RILPL1: variants seen among roughly 807,000 people sequenced by gnomAD.
The protein encoded by RILPL1 is RILP-like protein 1.
Under a neutral mutation model 50.3 loss-of-function variants are expected in RILPL1, and 33 were observed. That is an observed-to-expected ratio of 0.66 (90% CI 0.50 to 0.88). The LOEUF is 0.88. Ranked by LOEUF, RILPL1 falls within the 40% of genes least tolerant of loss-of-function variation. The pLI, the probability that RILPL1 is intolerant of heterozygous loss-of-function variation, is 0.00. For missense variants in RILPL1, 418 were observed against 542.5 expected, an observed-to-expected ratio of 0.77 and a Z score of 2.28; for synonymous variants, 205 against 228.6, an observed-to-expected ratio of 0.90 and a Z score of 0.93.
intron 2 of RILPL1, among the ~76,000 whole-genome samples, chr12:123,511,920 CTG>C (rs1253942263): frequency 3.2e-5 from 2 of 63,026 alleles, no homozygotes; most frequent in Non-Finnish European, 6.1e-5. Context: ...AGGTCTGTGT[CTG>C]TGTGTGGTGT....
In RILPL1 at chr12:123,470,524, C is replaced by A. The variant is rs1353226545; in HGVS notation, c.*2014G>T. 2 of 152,020 alleles carry A rather than the reference C, an allele frequency of 1.3e-5. No individual in the cohort carries two copies. The highest frequency in any genetic ancestry group is 4.9e-5 in the African/African-American group (2 of 41,172). The allele number at this position is 152,020 out of a possible 1,614,324, so 9.4% of individuals were successfully genotyped here. A position where few individuals can be genotyped will look rare whatever the true frequency, so the allele number is the denominator to read the frequency against. On this transcript the variant is annotated 3_prime_UTR_variant, in exon 7 of 7. Coordinates refer to ENST00000376874, the MANE Select transcript of RILPL1 (RefSeq NM_178314.5). ...GCCACAGTGGCTCACACCTGTAATCCCAGCACTTTGAGAGGCCAAGGCAGG... is the reference window on the plus strand; with the variant it reads ...GCCACAGTGGCTCACACCTGTAATCACAGCACTTTGAGAGGCCAAGGCAGG...
chr12:123,475,798 C>T, intron 6 of RILPL1: 1 of 1,262,838 alleles, frequency 7.9e-7, no homozygotes, highest in Non-Finnish European at 1.1e-6. Context: ...AAACGGGAGG[C>T]ATGAAAAAGA....
chr12:123,475,596 G>T, intron 6 of RILPL1: 3 of 1,032,714 alleles, frequency 2.9e-6, no homozygotes, highest in Non-Finnish European at 4.4e-6. Flanking sequence ...GTCAGCCCCA[G>T]CAGTAGCCGA....
chr12:123,515,905 A>G (rs1884662776), intron 2 of RILPL1, among the ~76,000 whole-genome samples: 1 of 151,786 alleles, frequency 6.6e-6, no homozygotes, highest in African/African-American at 2.4e-5. Flanking sequence ...GTGGTGGCAC[A>G]GGCCTGTAAT....
chr12:123,509,334 C>T (rs1883946041), intron 2 of RILPL1, among the ~76,000 whole-genome samples: 1 of 152,186 alleles, frequency 6.6e-6, no homozygotes, highest in Non-Finnish European at 1.5e-5. Flanking sequence ...GAGGCTGAGG[C>T]AGGTGGATCA....
At chr12:123,481,700 G>T (rs1458929707) in intron 6 of RILPL1, among the ~76,000 whole-genome samples, 1 of 151,714 alleles carries the variant, frequency 6.6e-6, no homozygotes, top group Non-Finnish European at 1.5e-5. Context: ...GGGATTACAG[G>T]TGTGTGCCAC....
intron 2 of RILPL1, among the ~76,000 whole-genome samples, chr12:123,501,537 G>A (rs374639599): frequency 1.2e-4 from 19 of 152,132 alleles, no homozygotes; most frequent in South Asian, 1.0e-3. Flanking sequence ...CGAGGTGGGC[G>A]GATCACAAGG....
chr12:123,511,781 GGTGT>G (rs1220270764), intron 2 of RILPL1, among the ~76,000 whole-genome samples: 1 of 131,158 alleles, frequency 7.6e-6, no homozygotes, highest in Non-Finnish European at 1.6e-5. Flanking sequence ...GTGTGTGTGT[GGTGT>G]GTGTGAGGTC....
chr12:123,493,517 T>C (rs1217082653), intron 4 of RILPL1, among the ~76,000 whole-genome samples: 1 of 152,168 alleles, frequency 6.6e-6, no homozygotes, highest in Non-Finnish European at 1.5e-5. Context: ...TTTCCAAGTC[T>C]CTCGTTCCAC....
intron 1 of RILPL1, 82 bp from the exon 2 acceptor site, chr12:123,523,727 G>A (rs888670740): frequency 1.3e-6 from 2 of 1,495,536 alleles, no homozygotes; most frequent in Non-Finnish European, 1.8e-6. Context: ...GGGGCAGCTT[G>A]GGTTGCTGGG....
At chr12:123,496,344 C>T (rs2139335030) in intron 4 of RILPL1, among the ~76,000 whole-genome samples, 1 of 152,258 alleles carries the variant, frequency 6.6e-6, no homozygotes, top group Non-Finnish European at 1.5e-5. Flanking sequence ...CTCTCCCTGA[C>T]CTTCCTCATT....
chr12:123,484,221 G>A lies in RILPL1; in HGVS notation c.1026C>T (p.His342=). ...NRIPQPPPIA[H]PRTSPQPESG... Reference sequence around the variant, plus strand: ...ACTCCGGCTGGGGGGACGTCCTCGGGTGGGCGATGGGTGGGGGTTGGGGTA... The same window carrying A: ...ACTCCGGCTGGGGGGACGTCCTCGGATGGGCGATGGGTGGGGGTTGGGGTA... Residue 342 remains histidine (H), a synonymous_variant, in exon 6 of 7, where the codon CAC becomes CAT. Coordinates refer to ENST00000376874, the MANE Select transcript of RILPL1 (RefSeq NM_178314.5). 6.2e-7 allele frequency: 1 copy of A among 1,612,072 alleles called. No homozygotes were observed. Among genetic ancestry groups the A allele is most frequent in the Non-Finnish European group, 8.5e-7 (1 of 1,178,310 alleles).
chr12:123,507,416 C>T (rs978826151), intron 2 of RILPL1, among the ~76,000 whole-genome samples: 10 of 151,708 alleles, frequency 6.6e-5, no homozygotes, highest in African/African-American at 2.4e-4. Flanking sequence ...TTAAAAAATA[C>T]TAACTGGGTG....
chr12:123,513,413 G>C, intron 2 of RILPL1: 1 of 333,624 alleles, frequency 3.0e-6, no homozygotes, highest in Non-Finnish European at 6.3e-6. Context: ...CGGGAGGCGA[G>C]CATGAGGAGA....
chr12:123,508,629 T>G (rs1000212857), intron 2 of RILPL1, among the ~76,000 whole-genome samples: 30 of 152,298 alleles, frequency 2.0e-4, no homozygotes, highest in African/African-American at 6.7e-4. Flanking sequence ...CTATTCTCTA[T>G]CCTGATCTGA....
At chr12:123,511,167 GT>G (rs1410218679) in intron 2 of RILPL1, among the ~76,000 whole-genome samples, 1 of 127,482 alleles carries the variant, frequency 7.8e-6, no homozygotes, top group Non-Finnish European at 1.6e-5. Context: ...TGTGTGTGGT[GT>G]TTGTGTGAGG....
intron 2 of RILPL1, among the ~76,000 whole-genome samples, chr12:123,514,992 G>A (rs1224801161): frequency 6.6e-6 from 1 of 151,230 alleles, no homozygotes; most frequent in South Asian, 2.1e-4. Flanking sequence ...GTGCAGTGGT[G>A]CAATCAAGGC....
intron 2 of RILPL1, among the ~76,000 whole-genome samples, chr12:123,512,670 GTGAGGTC>G (rs1884414970): frequency 6.9e-6 from 1 of 145,070 alleles, no homozygotes; most frequent in Non-Finnish European, 1.5e-5. Flanking sequence ...CTGTGTGTGT[GTGAGGTC>G]TGTGTGTGGT....
intron 2 of RILPL1, among the ~76,000 whole-genome samples, chr12:123,506,925 A>G (rs186467977): frequency 1.3e-5 from 2 of 152,268 alleles, no homozygotes; most frequent in Admixed American, 1.3e-4. Context: ...GCTCTGAGGC[A>G]GAGAGCTCCA....
Sources: gnomAD v4.1 joint callset for allele counts (sites outside exome capture counted in the v4.1 genomes callset) on GRCh38, gnomAD v4.1.1 for gene constraint, MANE v1.5 for transcripts, NCBI Gene and HGNC (gene_info 2026-07-23, HGNC 2026-07-21) for gene names.